CHRNA9: variants seen among roughly 807,000 people sequenced by gnomAD.
CHRNA9 encodes the protein neuronal acetylcholine receptor subunit alpha-9.
In CHRNA9, 24 loss-of-function variants were observed where a neutral mutation model predicts 36.8. The observed-to-expected ratio is 0.65, with a 90% confidence interval of 0.47 to 0.92. The LOEUF (loss-of-function observed/expected upper bound fraction) is 0.92, where lower values mean the gene tolerates loss of function less well. CHRNA9 is among the 40% of genes least tolerant of loss of function. The probability of loss-of-function intolerance (pLI) is 0.00; values close to 1 mark genes in which losing one functional copy is unlikely to be tolerated. For synonymous variants in CHRNA9, 231 were observed against 231.8 expected (o/e 1.00, Z 0.03); for missense variants, 610 against 601.2 (o/e 1.01, Z -0.15).
chr4:40,337,210 G>T lies in CHRNA9; in HGVS notation c.211G>T (p.Asp71Tyr). ...QITLSQIKDM[D>Y]ERNQILTAYL... The stretch of plus-strand genomic sequence containing the variant: ...AGCGACATCTGGATTCATTGTGTAG[G>T]ATGAAAGAAACCAAATTCTGACTGC... Residue 71 changes from aspartate to tyrosine, a missense_variant and splice_region_variant, in exon 3 of 5, where the codon GAT becomes TAT. Coordinates refer to ENST00000310169, the MANE Select transcript of CHRNA9 (RefSeq NM_017581.4). The T allele has an allele frequency of 6.2e-7, 1 of 1,614,112 alleles. No individual in the cohort carries two copies. Among genetic ancestry groups the T allele is most frequent in the Non-Finnish European group, 8.5e-7 (1 of 1,179,960 alleles).
chr4:40,339,457 C>G (rs112058052), intron 3 of CHRNA9, among the ~76,000 whole-genome samples: 1 of 149,534 alleles, frequency 6.7e-6, no homozygotes, highest in Non-Finnish European at 1.5e-5. Flanking sequence ...CCGAGGGGGG[C>G]GGATCATGAG....
At chr4:40,344,031 C>T (rs1712569204) in intron 3 of CHRNA9, among the ~76,000 whole-genome samples, 1 of 152,088 alleles carries the variant, frequency 6.6e-6, no homozygotes, top group African/African-American at 2.4e-5. Context: ...ATGAGATGGC[C>T]AGAATAGGCG....
At position 40,337,264 on chromosome 4, in the gene CHRNA9, G is replaced by A. The variant is rs985396823; in HGVS notation, c.265G>A (p.Asp89Asn). 1.2e-6 allele frequency: 2 copies of A among 1,614,140 alleles called. No individual in the cohort carries two copies. The highest frequency in any genetic ancestry group is 1.3e-5 in the African/African-American group (1 of 75,032). The change falls in exon 3 of 5, where the codon GAT becomes AAT. Residue 89 changes from aspartate to asparagine, a missense_variant. Coordinates refer to ENST00000310169, the MANE Select transcript of CHRNA9 (RefSeq NM_017581.4). ...AYLWIRQIWH[D>N]AYLTWDRDQY... ...TTTGTGGATCCGCCAAATCTGGCAC[G>A]ATGCCTATCTCACGTGGGACCGAGA...
intron 3 of CHRNA9, among the ~76,000 whole-genome samples, chr4:40,339,117 A>C (rs959911755): frequency 1.4e-5 from 2 of 146,086 alleles, no homozygotes; most frequent in Non-Finnish European, 3.0e-5. Flanking sequence ...GTCTTTATTA[A>C]AAATACAAAA....
In CHRNA9 at chr4:40,335,688, A is replaced by G. The variant is rs1712295691; in HGVS notation, c.65-139A>G. The G allele has an allele frequency of 4.9e-5, 50 of 1,027,714 alleles. 1 individual carries two copies. In the South Asian group the frequency reaches 7.0e-4, roughly 14 times the overall value. The allele number at this position is 1,027,714 out of a possible 1,614,324, so 63.7% of individuals were successfully genotyped here. Reference sequence around the variant, plus strand: ...CTGATCTTGGTAGGGCATGCCAGAAAAACAACTCATCCATCCACCCAAAGC... The same window carrying G: ...CTGATCTTGGTAGGGCATGCCAGAAGAACAACTCATCCATCCACCCAAAGC... On this transcript the variant is annotated intron_variant, in intron 1 of 4. Coordinates refer to ENST00000310169, the MANE Select transcript of CHRNA9 (RefSeq NM_017581.4).
chr4:40,349,457 C>T, intron 4 of CHRNA9, 43 bp downstream of exon 4: 11 of 1,555,978 alleles, frequency 7.1e-6, no homozygotes, highest in Non-Finnish European at 9.6e-6. Flanking sequence ...CTTTGTAGTG[C>T]CTGGGGTCAT....
chr4:40,343,881 C>T (rs1023141136), intron 3 of CHRNA9, among the ~76,000 whole-genome samples: 3 of 152,192 alleles, frequency 2.0e-5, no homozygotes, highest in Non-Finnish European at 2.9e-5. Context: ...AAGATGTCCA[C>T]ATCCTAATCC....
At position 40,337,371 on chromosome 4, in the gene CHRNA9, G is replaced by A; in HGVS notation, c.365+7G>A. 1.2e-6 allele frequency: 2 copies of A among 1,613,272 alleles called. No homozygotes were observed. Among genetic ancestry groups the A allele is most frequent in the Non-Finnish European group, 1.7e-6 (2 of 1,179,292 alleles). ...ACATCGTCTTATATAACAAGTAAGT[G>A]CAGCTCAGAACTGAGGCTTTTCAGG... is the stretch of plus-strand genomic sequence containing the variant. On this transcript the variant is annotated splice_region_variant and intron_variant, in intron 3 of 4. Transcript: ENST00000310169.
intron 4 of CHRNA9, among the ~76,000 whole-genome samples, 180 bp from the exon 5 acceptor site, chr4:40,353,799 G>C (rs1240208910): frequency 6.6e-6 from 1 of 152,214 alleles, no homozygotes; most frequent in African/African-American, 2.4e-5. Context: ...TTCAACCTAG[G>C]TGTATAGAAG....
intron 4 of CHRNA9, among the ~76,000 whole-genome samples, chr4:40,353,349 G>A (rs931534353): frequency 3.5e-4 from 53 of 152,196 alleles, no homozygotes; most frequent in African/African-American, 1.2e-3. Context: ...AAATTAGCCG[G>A]GCGTAGTGGT....
intron 4 of CHRNA9, among the ~76,000 whole-genome samples, chr4:40,351,347 A>T (rs1386925466): frequency 6.8e-6 from 1 of 146,798 alleles, no homozygotes; most frequent in Admixed American, 6.8e-5. Flanking sequence ...AAAAAAATTG[A>T]AAAAAAATAA....
rs574738072 is a variant in CHRNA9 at position 40,341,296 on chromosome 4, G to A, written c.365+3932G>A. Among the ~76,000 whole-genome samples the A allele has an allele frequency of 3.5e-4, 42 of 120,812 alleles. No individual in the cohort carries two copies. The South Asian group carries it at 5.0e-3, about 14-fold the overall frequency. 79.3% of individuals were successfully genotyped at this position (120,812 alleles called of 152,430 possible). ...CAGGTTTTTTTTTTTGTTTTTTGGC[G>A]GGGGTGGTGGCGGTAGTTTGCTCTG... On this transcript the variant is annotated intron_variant, in intron 3 of 4. Transcript: ENST00000310169.
chr4:40,338,783 T>G (rs1322107573), intron 3 of CHRNA9, among the ~76,000 whole-genome samples: 1 of 151,998 alleles, frequency 6.6e-6, no homozygotes, highest in Non-Finnish European at 1.5e-5. Flanking sequence ...AAGATAACAT[T>G]CAAATACTGG....
chr4:40,353,217 G>A (rs1254566050), intron 4 of CHRNA9, among the ~76,000 whole-genome samples: 2 of 152,130 alleles, frequency 1.3e-5, no homozygotes, highest in South Asian at 2.1e-4. Context: ...ATAGCCCGGC[G>A]CGGTGGCTCA....
intron 3 of CHRNA9, among the ~76,000 whole-genome samples, chr4:40,340,090 A>C (rs1712456445): frequency 6.6e-6 from 1 of 152,204 alleles, no homozygotes; most frequent in Non-Finnish European, 1.5e-5. Context: ...TTGCAAGCTT[A>C]CAAGGCATCC....
In CHRNA9 at chr4:40,339,705, C is replaced by T. The variant is rs576312439; in HGVS notation, c.365+2341C>T. 7.9e-5 allele frequency among the ~76,000 whole-genome samples: 12 copies of T among 151,918 alleles called. No homozygotes were observed. In the South Asian group the frequency reaches 2.5e-3, roughly 32 times the overall value. On this transcript the variant is annotated intron_variant, in intron 3 of 4. Transcript: ENST00000310169. ...AAGGCGGGGTCTCACTCCTATCGCC[C>T]ACGCTAGAGTGCAGTGGTGTGATCA...
rs10024518 is a variant in CHRNA9, at chr4:40,337,286, G to A, written c.287G>A (p.Arg96Gln). The change falls in exon 3 of 5, where the codon CGA (arginine) becomes CAA (glutamine). Residue 96 changes from arginine (R) to glutamine (Q), a missense_variant. Physicochemically the swap from Arg to Gln is conservative, Grantham distance 43. Coordinates refer to ENST00000310169, the MANE Select transcript of CHRNA9 (RefSeq NM_017581.4). ...IWHDAYLTWD[R>Q]DQYDGLDSIR... is the part of the protein sequence containing the mutation. ...CACGATGCCTATCTCACGTGGGACC[G>A]AGATCAGTACGATGGCCTAGACTCC... is the stretch of plus-strand genomic sequence containing the variant. 2.3e-3 allele frequency: 3,778 copies of A among 1,614,186 alleles called. 79 individuals carry two copies. The African/African-American group carries it at 0.045, about 19-fold the overall frequency.
In CHRNA9 at chr4:40,348,988, G is replaced by A; in HGVS notation, c.472G>A (p.Asp158Asn). 1 of 1,614,208 alleles carries A rather than the reference G, an allele frequency of 6.2e-7. No individual in the cohort carries two copies. Among genetic ancestry groups the A allele is most frequent in the South Asian group, 1.1e-5 (1 of 91,074 alleles). ...PAITKSSCVVDVTYFPFDNQQ... is the reference protein window; with the variant it reads ...PAITKSSCVVNVTYFPFDNQQ... ...CATCACCAAAAGCTCCTGTGTGGTGGATGTCACCTACTTCCCTTTTGACAA... is the reference window on the plus strand; with the variant it reads ...CATCACCAAAAGCTCCTGTGTGGTGAATGTCACCTACTTCCCTTTTGACAA... The change falls in exon 4 of 5, where the codon GAT becomes AAT. Residue 158 changes from aspartate (D) to asparagine (N), a missense_variant. Transcript: ENST00000310169.
In CHRNA9 at chr4:40,354,457, C is replaced by T. The variant is rs1366238871; in HGVS notation, c.1377C>T (p.Phe459=). The T allele has an allele frequency of 6.2e-7, 1 of 1,614,092 alleles. No homozygotes were observed. The highest frequency in any genetic ancestry group is 1.7e-5 in the Admixed American group (1 of 60,014). ...TGGCGAAAGTCATAGACCGATTCTT[C>T]ATGTGGATTTTTTTCATTATGGTGT... ...KKVAKVIDRF[F]MWIFFIMVFV... The change falls in exon 5 of 5, where the codon TTC becomes TTT. Residue 459 remains phenylalanine (F), a synonymous_variant. Coordinates refer to ENST00000310169, the MANE Select transcript of CHRNA9 (RefSeq NM_017581.4).
Sources: allele counts gnomAD v4.1 joint callset (sites outside exome capture counted in the v4.1 genomes callset), GRCh38; gene constraint gnomAD v4.1.1; transcripts MANE v1.5; gene names NCBI Gene and HGNC (gene_info 2026-07-23, HGNC 2026-07-21).